GPR158: variants seen among roughly 807,000 people sequenced by gnomAD.
The protein encoded by GPR158 is G protein-coupled receptor 158.
GPR158 carries 30 observed loss-of-function variants against 78.2 expected under a neutral mutation model. That is an observed-to-expected ratio of 0.38 (90% confidence interval 0.29 to 0.52). GPR158 has a LOEUF of 0.52. GPR158 is among the 20% of genes least tolerant of loss of function. The pLI is 0.83. For missense variants in GPR158, 1,463 were observed against 1,523.5 expected (o/e 0.96, Z 0.66); for synonymous variants, 581 against 591.1 (o/e 0.98, Z 0.25).
At chr10:25,451,505 C>T (rs565089551) in intron 4 of GPR158, among the ~76,000 whole-genome samples, 7 of 152,234 alleles carry the variant, frequency 4.6e-5, no homozygotes, top group South Asian at 2.1e-4. Context: ...ATTTCACACA[C>T]ATTTTTATAT....
intron 1 of GPR158, among the ~76,000 whole-genome samples, chr10:25,216,469 T>G (rs1417442204): frequency 6.6e-6 from 1 of 151,662 alleles, no homozygotes; most frequent in Non-Finnish European, 1.5e-5. Flanking sequence ...TGGGTATTTT[T>G]TGGGGGTGGG....
chr10:25,588,232 A>G (rs1452167426), intron 7 of GPR158, among the ~76,000 whole-genome samples: 1 of 152,246 alleles, frequency 6.6e-6, no homozygotes, highest in Non-Finnish European at 1.5e-5. Context: ...CTCATTTTCC[A>G]AATGAAGAAA....
intron 3 of GPR158, among the ~76,000 whole-genome samples, chr10:25,410,190 A>G (rs1032267526): frequency 6.6e-5 from 10 of 152,126 alleles, no homozygotes; most frequent in African/African-American, 9.7e-5. Context: ...CACCCACTCT[A>G]TATCTCAGTT....
At chr10:25,433,533 T>G (rs72782122) in intron 4 of GPR158, among the ~76,000 whole-genome samples, 5 of 46,594 alleles carry the variant, frequency 1.1e-4, no homozygotes, top group South Asian at 8.0e-4. Flanking sequence ...TAGTTAGGGG[T>G]GTGTGTGTGT....
At chr10:25,258,202 T>C (rs1853916722) in intron 2 of GPR158, among the ~76,000 whole-genome samples, 2 of 152,218 alleles carry the variant, frequency 1.3e-5, no homozygotes, top group South Asian at 4.1e-4. Context: ...ACTGCTTATT[T>C]AGGGCACTTA....
chr10:25,377,360 AT>A (rs1043418497), intron 2 of GPR158, among the ~76,000 whole-genome samples: 4 of 151,860 alleles, frequency 2.6e-5, no homozygotes, highest in South Asian at 2.1e-4. Context: ...TTATTTACTT[AT>A]TTTTTTGAAA....
intron 1 of GPR158, among the ~76,000 whole-genome samples, chr10:25,211,154 CAG>C (rs1421269920): frequency 2.7e-5 from 4 of 149,160 alleles, no homozygotes; most frequent in South Asian, 2.1e-4. Context: ...AAAAAAAAAA[CAG>C]AATTTTAAAA....
chr10:25,201,153 A>AT (rs1214132980), intron 1 of GPR158, among the ~76,000 whole-genome samples: 3 of 151,886 alleles, frequency 2.0e-5, no homozygotes, highest in Non-Finnish European at 4.4e-5. Flanking sequence ...ATATTTTTCC[A>AT]TTTTTTGTGT....
rs183685774 is a variant in GPR158, at chr10:25,213,371, G to A, written c.903-7681G>A. ...ATTTAGTTGTTGAACTTTGTAAAAT[G>A]CCTCTTTAGTTTGATTAAAATAATT... On this transcript the variant is annotated intron_variant, in intron 1 of 10. Coordinates refer to ENST00000376351, the MANE Select transcript of GPR158 (RefSeq NM_020752.3). Among the ~76,000 whole-genome samples the A allele has an allele frequency of 5.3e-5, 8 of 152,180 alleles. No homozygotes were observed. In the East Asian group the frequency reaches 1.5e-3, roughly 29 times the overall value.
At chr10:25,332,135 C>G (rs572717292) in intron 2 of GPR158, among the ~76,000 whole-genome samples, 1 of 151,970 alleles carries the variant, frequency 6.6e-6, no homozygotes, top group African/African-American at 2.4e-5. Context: ...GAATACATTT[C>G]TGGTTTCCCA....
intron 2 of GPR158, among the ~76,000 whole-genome samples, chr10:25,272,963 G>T (rs971752849): frequency 6.6e-6 from 1 of 152,138 alleles, no homozygotes; most frequent in Admixed American, 6.5e-5. Context: ...TGGGATTCTA[G>T]ATCATAAAAG....
chr10:25,490,990 TG>T (rs371138485), intron 5 of GPR158, among the ~76,000 whole-genome samples: 3,009 of 152,170 alleles, frequency 0.02, 102 homozygotes, highest in African/African-American at 0.068. Context: ...AAATTTGTGT[TG>T]GGGGGGTCCT....
chr10:25,229,566 G>A (rs1269392017), intron 2 of GPR158, among the ~76,000 whole-genome samples: 2 of 152,086 alleles, frequency 1.3e-5, no homozygotes, highest in African/African-American at 4.8e-5. Flanking sequence ...AGAAAGCTAG[G>A]CCAAGACAGG....
chr10:25,338,621 A>ATTATT (rs1855260757), intron 2 of GPR158, among the ~76,000 whole-genome samples: 7 of 54,330 alleles, frequency 1.3e-4, no homozygotes, highest in South Asian at 7.4e-4. Flanking sequence ...AAATCATATA[A>ATTATT]ATATATAAGC....
intron 2 of GPR158, among the ~76,000 whole-genome samples, chr10:25,248,340 T>G (rs1853733116): frequency 6.6e-6 from 1 of 152,168 alleles, no homozygotes; most frequent in South Asian, 2.1e-4. Context: ...ATTTGTCAAT[T>G]TTGTCTTTTG....
chr10:25,385,904 GC>G lies in GPR158; in HGVS notation c.1009-10006del, dbSNP rs760236534. On this transcript the variant is annotated intron_variant, in intron 2 of 10. Transcript: ENST00000376351. ...GCAAATGTTTTCTCCCATTCTGTAGGCTGACTTTTCATTCTGTTGATTGTAT... is the reference window on the plus strand; with the variant it reads ...GCAAATGTTTTCTCCCATTCTGTAGGTGACTTTTCATTCTGTTGATTGTAT... Among the ~76,000 whole-genome samples the G allele has an allele frequency of 1.4e-3, 206 of 152,174 alleles. 1 individual carries two copies. Among genetic ancestry groups the G allele is most frequent in the Non-Finnish European group, 1.1e-3 (75 of 67,960 alleles).
intron 4 of GPR158, among the ~76,000 whole-genome samples, chr10:25,444,287 G>A (rs527911780): frequency 2.0e-5 from 3 of 151,542 alleles, no homozygotes; most frequent in African/African-American, 7.3e-5. Context: ...ATATGTGAGT[G>A]GGGGTGAGGG....
chr10:25,499,464 C>T (rs1286629046), intron 5 of GPR158, among the ~76,000 whole-genome samples: 1 of 152,184 alleles, frequency 6.6e-6, no homozygotes, highest in Non-Finnish European at 1.5e-5. Context: ...CTGTGAAGAT[C>T]ACATGTTTGT....
Position 25,595,549 on chromosome 10 carries a change from C to T in GPR158, c.1999-1094C>T, listed in dbSNP as rs368088815. Among the ~76,000 whole-genome samples, 8 of 152,106 alleles carry T rather than the reference C, an allele frequency of 5.3e-5. No homozygotes were observed. In the East Asian group the frequency reaches 7.7e-4, roughly 15 times the overall value. On this transcript the variant is annotated intron_variant, in intron 9 of 10. Transcript: ENST00000376351. Reference sequence around the variant, plus strand: ...ATAAACAACATGTGGTATATCCATACGATGGATTATTATTTGTCAGTAAAA... The same window carrying T: ...ATAAACAACATGTGGTATATCCATATGATGGATTATTATTTGTCAGTAAAA...
Sources: gnomAD v4.1 joint callset for allele counts (sites outside exome capture counted in the v4.1 genomes callset) on GRCh38, gnomAD v4.1.1 for gene constraint, MANE v1.5 for transcripts, NCBI Gene and HGNC (gene_info 2026-07-23, HGNC 2026-07-21) for gene names.